Variants in USP17L4 observed in about 807,000 individuals in gnomAD.
USP17L4 encodes the protein inactive ubiquitin carboxyl-terminal hydrolase 17-like protein 4.
A neutral mutation model predicts 20.2 loss-of-function variants in USP17L4; 16 were observed. The observed-to-expected ratio is 0.79, with a 90% CI of 0.54 to 1.20. The LOEUF is 1.20. Among genes scored for constraint, USP17L4 ranks in the 50% most tolerant of loss-of-function variants. The probability of loss-of-function intolerance (pLI) is 0.00; values close to 1 mark genes in which losing one functional copy is unlikely to be tolerated. For synonymous variants in USP17L4, 92 were observed against 122.5 expected (o/e 0.75, Z 1.65); for missense variants, 211 against 316.9 (o/e 0.67, Z 2.54).
chr8:7,337,402 G>A lies in USP17L4; in HGVS notation c.288G>A (p.Gln96=). The change falls in exon 1 of 1, where the codon CAG becomes CAA. Residue 96 remains glutamine (Q), a synonymous_variant. Transcript: ENST00000526929. The part of the protein sequence containing the change: ...GNTCYENASL[Q]CLTYTLPLAN... ...CCTGCTACGAGAACGCTTCCCTGCA[G>A]TGCCTGACATACACACTGCCCCTTG... The A allele has an allele frequency of 4.6e-6, 2 of 437,262 alleles. No individual in the cohort carries two copies. The highest frequency in any genetic ancestry group is 3.8e-6 in the Non-Finnish European group (1 of 264,948). 27.1% of individuals were successfully genotyped at this position (437,262 alleles called of 1,614,324 possible). A position where few individuals can be genotyped will look rare whatever the true frequency, so the allele number is the denominator to read the frequency against.
In USP17L4 at chr8:7,338,349, A is replaced by T; in HGVS notation, c.1235A>T (p.His412Leu). The stretch of plus-strand genomic sequence containing the variant: ...ACGCAAGGAGAGCTCAAGAGAGACC[A>T]CCCTTGCCTCCAGGTACCCGAGTTG... ...PATQGELKRD[H>L]PCLQVPELDE... The change falls in exon 1 of 1, where the codon CAC becomes CTC. Residue 412 changes from histidine (H) to leucine (L), a missense_variant. His to Leu is a moderately conservative substitution (Grantham distance 99). Around this residue, in one of 5 missense-constraint regions of USP17L4, gnomAD observed 140 missense variants for 167.6 expected, o/e 0.84. Transcript: ENST00000526929. 1 of 1,053,728 alleles carries T rather than the reference A, an allele frequency of 9.5e-7. No individual in the cohort carries two copies. The highest frequency in any genetic ancestry group is 1.4e-6 in the Non-Finnish European group (1 of 736,006). 65.3% of individuals were successfully genotyped at this position (1,053,728 alleles called of 1,614,324 possible).
rs1804687703 is a variant in USP17L4, at chr8:7,338,394, G to A, written c.1280G>A (p.Arg427Lys). 8 of 734,438 alleles carry A rather than the reference G, an allele frequency of 1.1e-5. No homozygotes were observed. The highest frequency in any genetic ancestry group is 3.6e-4 in the Middle Eastern group (1 of 2,758). 45.5% of individuals were successfully genotyped at this position (734,438 alleles called of 1,614,324 possible). Residue 427 changes from arginine (R) to lysine (K), a missense_variant, in exon 1 of 1, where the codon AGA becomes AAA. Arg to Lys is a conservative substitution (Grantham distance 26). This residue lies in a region of USP17L4 where 140 missense variants were observed against 167.6 expected (regional missense o/e 0.84). Coordinates refer to ENST00000526929, the MANE Select transcript of USP17L4 (RefSeq NM_001256874.1). ...VPELDEHLVE[R>K]ATEESTLDHW... ...GAGTTGGACGAGCACTTGGTGGAAAGAGCCACTGAGGAAAGCACCTTAGAC... is the reference window on the plus strand; with the variant it reads ...GAGTTGGACGAGCACTTGGTGGAAAAAGCCACTGAGGAAAGCACCTTAGAC...
At position 7,338,469 on chromosome 8, in the gene USP17L4, T is replaced by A. The variant is rs1431784395; in HGVS notation, c.1355T>A (p.Val452Asp). 1.2e-5 allele frequency: 7 copies of A among 567,764 alleles called. No individual in the cohort carries two copies. The highest frequency in any genetic ancestry group is 2.0e-5 in the Non-Finnish European group (7 of 343,740). 35.2% of individuals were successfully genotyped at this position (567,764 alleles called of 1,614,324 possible). ...EQNKMKPEFN[V>D]RKVEGTLPPN... The stretch of plus-strand genomic sequence containing the variant: ...AACAAAATGAAGCCTGAGTTCAACG[T>A]CAGAAAAGTTGAAGGTACCCTGCCT... The change falls in exon 1 of 1, where the codon GTC becomes GAC. Residue 452 changes from valine (V) to aspartate (D), a missense_variant. Transcript: ENST00000526929.
chr8:7,337,385 G>T, the USP17L4 span: 2 of 441,136 alleles, frequency 4.5e-6, no homozygotes, highest in Non-Finnish European at 7.5e-6. Context: ...TACCTGCTAC[G>T]AGAACGCTTC....
chr8:7,337,909 CACGTTA>C lies in USP17L4; in HGVS notation c.798_803del (p.Thr268_Leu269del). The C allele has an allele frequency of 1.6e-6, 1 of 632,472 alleles. No homozygotes were observed. The highest frequency in any genetic ancestry group is 2.7e-6 in the Non-Finnish European group (1 of 374,226). 39.2% of individuals were successfully genotyped at this position (632,472 alleles called of 1,614,324 possible). On this transcript the variant is annotated inframe_deletion, in exon 1 of 1. Transcript: ENST00000526929. ...GTCTCCAGAGGGCGCCGGCCTCCAACACGTTAACTTTACACACTTCTGCCAAGGTCC... is the reference window on the plus strand; with the variant it reads ...GTCTCCAGAGGGCGCCGGCCTCCAACACTTTACACACTTCTGCCAAGGTCC...
chr8:7,337,341 C>T lies in USP17L4; in HGVS notation c.227C>T (p.Ala76Val). 2.2e-6 allele frequency: 1 copy of T among 457,720 alleles called. No individual in the cohort carries two copies. The highest frequency in any genetic ancestry group is 3.6e-6 in the Non-Finnish European group (1 of 275,794). 28.4% of individuals were successfully genotyped at this position (457,720 alleles called of 1,614,324 possible). A position where few individuals can be genotyped will look rare whatever the true frequency, so the allele number is the denominator to read the frequency against. The part of the protein sequence containing the change: ...EKLPLSSRRP[A>V]AVGAGLQNMG... ...CTTCCTCTGAGTAGCAGGAGACCTG[C>T]TGCGGTGGGGGCTGGGCTCCAGAAT... Residue 76 changes from alanine to valine, a missense_variant, in exon 1 of 1, where the codon GCT (alanine) becomes GTT (valine). Ala to Val is a moderately conservative substitution (Grantham distance 64). Around this residue, in one of 5 missense-constraint regions of USP17L4, gnomAD observed 56 missense variants for 46.3 expected, o/e 1.21. Coordinates refer to ENST00000526929, the MANE Select transcript of USP17L4 (RefSeq NM_001256874.1).
chr8:7,338,427 A>G lies in USP17L4; in HGVS notation c.1313A>G (p.Lys438Arg). ...ATEESTLDHW[K>R]FPQEQNKMKP... is the part of the protein sequence containing the mutation. ...GAGGAAAGCACCTTAGACCACTGGA[A>G]ATTCCCCCAAGAGCAAAACAAAATG... The change falls in exon 1 of 1, where the codon AAA (lysine) becomes AGA (arginine). Residue 438 changes from lysine (K) to arginine (R), a missense_variant. Around this residue, in one of 5 missense-constraint regions of USP17L4, gnomAD observed 140 missense variants for 167.6 expected, o/e 0.84. Transcript: ENST00000526929. 4 of 630,370 alleles carry G rather than the reference A, an allele frequency of 6.3e-6. No individual in the cohort carries two copies. The highest frequency in any genetic ancestry group is 1.1e-5 in the Non-Finnish European group (4 of 380,246). 39.0% of individuals were successfully genotyped at this position (630,370 alleles called of 1,614,324 possible).
Position 7,337,576 on chromosome 8 carries a change from T to C in USP17L4, c.462T>C (p.His154=). ...QPSQALAAGF[H]RGKQEDVHEF... ...CACAGGCATTGGCTGCTGGCTTCCA[T>C]AGAGGCAAGCAGGAAGATGTCCATG... The change falls in exon 1 of 1, where the codon CAT becomes CAC. Residue 154 remains histidine, a synonymous_variant. Coordinates refer to ENST00000526929, the MANE Select transcript of USP17L4 (RefSeq NM_001256874.1). 7 of 586,700 alleles carry C rather than the reference T, an allele frequency of 1.2e-5. 1 individual carries two copies. The highest frequency in any genetic ancestry group is 6.1e-5 in the African/African-American group (1 of 16,366). 36.3% of individuals were successfully genotyped at this position (586,700 alleles called of 1,614,324 possible).
In USP17L4 at chr8:7,338,143, A is replaced by G. The variant is rs1274564151; in HGVS notation, c.1029A>G (p.Glu343=). ...GYYFSYVKAQ[E]GQWYKMDDAE... Reference sequence around the variant, plus strand: ...ACTTCTCTTATGTCAAAGCTCAAGAAGGCCAGTGGTATAAAATGGATGATG... The same window carrying G: ...ACTTCTCTTATGTCAAAGCTCAAGAGGGCCAGTGGTATAAAATGGATGATG... Residue 343 remains glutamate, a synonymous_variant, in exon 1 of 1, where the codon GAA becomes GAG. Transcript: ENST00000526929. The G allele has an allele frequency of 6.4e-7, 1 of 1,562,560 alleles. No homozygotes were observed. The highest frequency in any genetic ancestry group is 8.6e-7 in the Non-Finnish European group (1 of 1,164,146).
In USP17L4 at chr8:7,337,326, G is replaced by C; in HGVS notation, c.212G>C (p.Ser71Thr). 2.2e-6 allele frequency: 1 copy of C among 463,616 alleles called. No homozygotes were observed. Among genetic ancestry groups the C allele is most frequent in the South Asian group, 2.2e-5 (1 of 46,510 alleles). The allele number at this position is 463,616 out of a possible 1,614,324, so 28.7% of individuals were successfully genotyped here. Residue 71 changes from serine to threonine, a missense_variant, in exon 1 of 1, where the codon AGT (serine) becomes ACT (threonine). Ser to Thr is a moderately conservative substitution (Grantham distance 58). This residue lies in a region of USP17L4 where 56 missense variants were observed against 46.3 expected (regional missense o/e 1.21). Coordinates refer to ENST00000526929, the MANE Select transcript of USP17L4 (RefSeq NM_001256874.1). The stretch of plus-strand genomic sequence containing the variant: ...GCTCCCAGGGAGAAGCTTCCTCTGA[G>C]TAGCAGGAGACCTGCTGCGGTGGGG... ...QLAPREKLPL[S>T]SRRPAAVGAG...
In USP17L4 at chr8:7,337,174, C is replaced by T. The variant is rs755125135; in HGVS notation, c.60C>T (p.Leu20=). 21 of 565,792 alleles carry T rather than the reference C, an allele frequency of 3.7e-5. No individual in the cohort carries two copies. Among genetic ancestry groups the T allele is most frequent in the Middle Eastern group, 4.3e-4 (1 of 2,304 alleles). The allele number at this position is 565,792 out of a possible 1,614,324, so 35.0% of individuals were successfully genotyped here. The part of the protein sequence containing the change: ...GEWQFNHFSK[L]TSSRPDAAFA... The stretch of plus-strand genomic sequence containing the variant: ...GGCAGTTCAACCACTTTTCAAAACT[C>T]ACATCTTCTCGGCCAGATGCAGCTT... Residue 20 remains leucine, a synonymous_variant, in exon 1 of 1, where the codon CTC becomes CTT. Transcript: ENST00000526929.
rs1203614768 is a variant in USP17L4, at chr8:7,338,578, C to A, written c.1464C>A (p.Asn488Lys). 1.8e-6 allele frequency: 1 copy of A among 551,478 alleles called. No homozygotes were observed. Among genetic ancestry groups the A allele is most frequent in the South Asian group, 2.0e-5 (1 of 49,318 alleles). 34.2% of individuals were successfully genotyped at this position (551,478 alleles called of 1,614,324 possible). ...CTGAACAGCAAAGCTCCCTGCTAAA[C>A]CTCTCTTCGATGAACTCGACAGATC... ...HHPEQQSSLL[N>K]LSSMNSTDQE... The change falls in exon 1 of 1, where the codon AAC (asparagine) becomes AAA (lysine). Residue 488 changes from asparagine (N) to lysine (K), a missense_variant. Physicochemically the swap from Asn to Lys is moderately conservative, Grantham distance 94. Around this residue, in one of 5 missense-constraint regions of USP17L4, gnomAD observed 140 missense variants for 167.6 expected, o/e 0.84. Transcript: ENST00000526929.
At position 7,338,150 on chromosome 8, in the gene USP17L4, T is replaced by C; in HGVS notation, c.1036T>C (p.Trp346Arg). ...FSYVKAQEGQ[W>R]YKMDDAEVTV... ...TTATGTCAAAGCTCAAGAAGGCCAG[T>C]GGTATAAAATGGATGATGCCGAGGT... The change falls in exon 1 of 1, where the codon TGG (tryptophan) becomes CGG (arginine). Residue 346 changes from tryptophan to arginine, a missense_variant. By Grantham distance (101) the Trp-to-Arg change is moderately radical. Around this residue, in one of 5 missense-constraint regions of USP17L4, gnomAD observed 140 missense variants for 167.6 expected, o/e 0.84. Coordinates refer to ENST00000526929, the MANE Select transcript of USP17L4 (RefSeq NM_001256874.1). The C allele has an allele frequency of 6.4e-7, 1 of 1,552,156 alleles. No homozygotes were observed. The highest frequency in any genetic ancestry group is 8.7e-7 in the Non-Finnish European group (1 of 1,155,514).
At position 7,337,222 on chromosome 8, in the gene USP17L4, T is replaced by G. The variant is rs1399719492; in HGVS notation, c.108T>G (p.Ser36=). Residue 36 remains serine, a synonymous_variant, in exon 1 of 1, where the codon TCT becomes TCG. Transcript: ENST00000526929. ...DAAFAEIQRT[S]LPEKSPLSSE... is the part of the protein sequence containing the mutation. The stretch of plus-strand genomic sequence containing the variant: ...CTTTTGCTGAAATCCAGCGGACTTC[T>G]CTCCCTGAGAAGTCACCACTCTCAT... 3.8e-6 allele frequency: 2 copies of G among 520,786 alleles called. No individual in the cohort carries two copies. Among genetic ancestry groups the G allele is most frequent in the East Asian group, 6.1e-5 (2 of 32,878 alleles). The allele number at this position is 520,786 out of a possible 1,614,324, so 32.3% of individuals were successfully genotyped here.
rs750578429 is a variant in USP17L4, at chr8:7,337,124, G to A, written c.10G>A (p.Asp4Asn). 4.9e-5 allele frequency: 30 copies of A among 609,986 alleles called. 1 individual carries two copies. The highest frequency in any genetic ancestry group is 8.4e-4 in the Middle Eastern group (2 of 2,392). 37.8% of individuals were successfully genotyped at this position (609,986 alleles called of 1,614,324 possible). A position where few individuals can be genotyped will look rare whatever the true frequency, so the allele number is the denominator to read the frequency against. The part of the protein sequence containing the change: MGD[D>N]SLYLGGEWQF... Reference sequence around the variant, plus strand: ...CCTTGTTGCGGGCGACATGGGGGACGACTCACTCTACTTGGGAGGTGAGTG... The same window carrying A: ...CCTTGTTGCGGGCGACATGGGGGACAACTCACTCTACTTGGGAGGTGAGTG... The change falls in exon 1 of 1, where the codon GAC becomes AAC. Residue 4 changes from aspartate (D) to asparagine (N), a missense_variant. Physicochemically the swap from Asp to Asn is conservative, Grantham distance 23. Coordinates refer to ENST00000526929, the MANE Select transcript of USP17L4 (RefSeq NM_001256874.1).
In USP17L4 at chr8:7,337,408, G is replaced by C; in HGVS notation, c.294G>C (p.Leu98=). 2.3e-6 allele frequency: 1 copy of C among 435,174 alleles called. No individual in the cohort carries two copies. Among genetic ancestry groups the C allele is most frequent in the East Asian group, 3.4e-5 (1 of 29,458 alleles). 27.0% of individuals were successfully genotyped at this position (435,174 alleles called of 1,614,324 possible). Reference sequence around the variant, plus strand: ...ACGAGAACGCTTCCCTGCAGTGCCTGACATACACACTGCCCCTTGCCAACT... The same window carrying C: ...ACGAGAACGCTTCCCTGCAGTGCCTCACATACACACTGCCCCTTGCCAACT... ...TCYENASLQC[L]TYTLPLANYM... The change falls in exon 1 of 1, where the codon CTG becomes CTC. Residue 98 remains leucine (L), a synonymous_variant. Coordinates refer to ENST00000526929, the MANE Select transcript of USP17L4 (RefSeq NM_001256874.1).
In USP17L4 at chr8:7,337,242, T is replaced by C; in HGVS notation, c.128T>C (p.Leu43Pro). ...QRTSLPEKSPLSSETRVDLCD... is the reference protein window; with the variant it reads ...QRTSLPEKSPPSSETRVDLCD... ...ACTTCTCTCCCTGAGAAGTCACCAC[T>C]CTCATCTGAGACCCGTGTCGACCTC... Residue 43 changes from leucine to proline, a missense_variant, in exon 1 of 1, where the codon CTC (leucine) becomes CCC (proline). Transcript: ENST00000526929. The C allele has an allele frequency of 2.0e-6, 1 of 510,644 alleles. No individual in the cohort carries two copies. Among genetic ancestry groups the C allele is most frequent in the Non-Finnish European group, 3.3e-6 (1 of 303,786 alleles). 31.6% of individuals were successfully genotyped at this position (510,644 alleles called of 1,614,324 possible).
rs199562878 is a variant in USP17L4 at position 7,337,163 on chromosome 8, T to A, written c.49T>A (p.Phe17Ile). The A allele has an allele frequency of 0.025, 14,288 of 578,326 alleles. 659 individuals are homozygous for A. Among genetic ancestry groups the A allele is most frequent in the South Asian group, 0.065 (3,684 of 57,034 alleles). 35.8% of individuals were successfully genotyped at this position (578,326 alleles called of 1,614,324 possible). The change falls in exon 1 of 1, where the codon TTT becomes ATT. Residue 17 changes from phenylalanine to isoleucine, a missense_variant. Physicochemically the swap from Phe to Ile is conservative, Grantham distance 21. This residue lies in a region of USP17L4 where 56 missense variants were observed against 46.3 expected (regional missense o/e 1.21). Coordinates refer to ENST00000526929, the MANE Select transcript of USP17L4 (RefSeq NM_001256874.1). ...GGGAGGTGAGTGGCAGTTCAACCAC[T>A]TTTCAAAACTCACATCTTCTCGGCC... ...YLGGEWQFNHFSKLTSSRPDA... is the reference protein window; with the variant it reads ...YLGGEWQFNHISKLTSSRPDA...
At position 7,338,015 on chromosome 8, in the gene USP17L4, C is replaced by G. The variant is rs1804650486; in HGVS notation, c.901C>G (p.Leu301Val). 13 of 925,374 alleles carry G rather than the reference C, an allele frequency of 1.4e-5. 2 individuals are homozygous for G. Among genetic ancestry groups the G allele is most frequent in the Non-Finnish European group, 2.2e-5 (13 of 597,386 alleles). The allele number at this position is 925,374 out of a possible 1,614,324, so 57.3% of individuals were successfully genotyped here. The change falls in exon 1 of 1, where the codon CTT becomes GTT. Residue 301 changes from leucine (L) to valine (V), a missense_variant. By Grantham distance (32) the Leu-to-Val change is conservative (BLOSUM62 1). Coordinates refer to ENST00000526929, the MANE Select transcript of USP17L4 (RefSeq NM_001256874.1). ...LAKNVQYPEC[L>V]DMQPYMSQQN... is the part of the protein sequence containing the mutation. ...CAAGAATGTGCAATATCCTGAGTGC[C>G]TTGACATGCAGCCATACATGTCTCA...
Sources: allele counts gnomAD v4.1 joint callset, GRCh38; gene constraint gnomAD v4.1.1; regional missense constraint gnomAD v4.1.1; transcripts MANE v1.5; gene names NCBI Gene and HGNC (gene_info 2026-07-23, HGNC 2026-07-21).